The following MAN1A2 variants were observed in gnomAD, a reference collection of about 807,000 sequenced individuals.
The protein encoded by MAN1A2 is mannosyl-oligosaccharide 1,2-alpha-mannosidase IB.
In MAN1A2, 26 loss-of-function variants were observed where a neutral mutation model predicts 75.7. That is an observed-to-expected ratio of 0.34 (90% CI 0.25 to 0.48). MAN1A2 has a LOEUF of 0.48. MAN1A2 is among the 20% of genes least tolerant of loss of function. MAN1A2 has a pLI of 0.99. For synonymous variants in MAN1A2, 247 were observed against 264.6 expected, an observed-to-expected ratio of 0.93 and a Z score of 0.65; for missense variants, 562 against 775.5, an observed-to-expected ratio of 0.72 and a Z score of 3.27.
intron 1 of MAN1A2, among the ~76,000 whole-genome samples, chr1:117,377,685 T>TTG (rs66692703): frequency 0.12 from 18,803 of 152,186 alleles, 1,200 homozygotes; most frequent in Non-Finnish European, 0.14. Flanking sequence ...TTCTTTGTTT[T>TTG]TTTGTGTTCG....
chr1:117,411,438 G>C (rs901033523), intron 3 of MAN1A2, among the ~76,000 whole-genome samples: 3 of 151,700 alleles, frequency 2.0e-5, no homozygotes, highest in African/African-American at 4.8e-5. Context: ...ATGGATCACA[G>C]AGCTAAATAT....
intron 1 of MAN1A2, among the ~76,000 whole-genome samples, chr1:117,397,557 A>T (rs1327133511): frequency 1.3e-5 from 2 of 151,548 alleles, no homozygotes; most frequent in African/African-American, 4.9e-5. Context: ...TCACCATAAC[A>T]CCTTGTCATT....
chr1:117,450,897 G>T (rs1430578084), intron 6 of MAN1A2, among the ~76,000 whole-genome samples: 2 of 152,230 alleles, frequency 1.3e-5, no homozygotes, highest in Non-Finnish European at 2.9e-5. Flanking sequence ...CTCTCATGGA[G>T]AACCTCTGCT....
chr1:117,483,633 T>C (rs1309886512), intron 8 of MAN1A2, among the ~76,000 whole-genome samples: 1 of 152,106 alleles, frequency 6.6e-6, no homozygotes, highest in Non-Finnish European at 1.5e-5. Flanking sequence ...CTTAAGGAGA[T>C]TTTGGGCTGA....
At chr1:117,519,715 A>G (rs1651815910) in intron 12 of MAN1A2, among the ~76,000 whole-genome samples, 1 of 152,088 alleles carries the variant, frequency 6.6e-6, no homozygotes, top group South Asian at 2.1e-4. Context: ...AAAGCCCAGG[A>G]ACAGACGGAT....
At chr1:117,431,488 C>G (rs964915852) in intron 5 of MAN1A2, among the ~76,000 whole-genome samples, 17 of 151,896 alleles carry the variant, frequency 1.1e-4, no homozygotes, top group African/African-American at 4.1e-4. Context: ...GTAGAAGTCC[C>G]GAATGACAGT....
rs766974147 is a variant in MAN1A2, at chr1:117,368,494, ATTTCAGAAG to A, written c.302+12_302+20del. On this transcript the variant is annotated intron_variant, in intron 1 of 12. Transcript: ENST00000356554. ...GATGAACATAGACACAGGTTTGTTT[ATTTCAGAAG>A]TTCTGGTACTAACATTTGGCAGAGC... is the stretch of plus-strand genomic sequence containing the variant. The A allele has an allele frequency of 1.9e-6, 3 of 1,588,294 alleles. No homozygotes were observed. The South Asian group carries it at 3.5e-5, about 18-fold the overall frequency.
intron 12 of MAN1A2, among the ~76,000 whole-genome samples, chr1:117,514,052 C>T (rs183345899): frequency 1.3e-5 from 2 of 152,234 alleles, no homozygotes; most frequent in East Asian, 3.9e-4. Context: ...TAAAATTCTT[C>T]CAACATTTCT....
chr1:117,408,308 A>G (rs1466109946), intron 3 of MAN1A2, among the ~76,000 whole-genome samples: 1 of 149,984 alleles, frequency 6.7e-6, no homozygotes, highest in East Asian at 1.9e-4. Context: ...CTCTTAAAAA[A>G]AAAAAAAAAA....
chr1:117,518,641 C>T (rs79706545), intron 12 of MAN1A2, among the ~76,000 whole-genome samples: 2,373 of 151,994 alleles, frequency 0.016, 65 homozygotes, highest in African/African-American at 0.053. Context: ...ATATCACAGT[C>T]CTAAACATAT....
intron 12 of MAN1A2, among the ~76,000 whole-genome samples, chr1:117,504,050 T>A (rs1651278876): frequency 6.6e-6 from 1 of 151,410 alleles, no homozygotes; most frequent in African/African-American, 2.4e-5. Flanking sequence ...ATCCAGCCCC[T>A]TATTACTGCT....
At chr1:117,497,782 GT>G (rs1651076271) in intron 10 of MAN1A2, among the ~76,000 whole-genome samples, 1 of 151,716 alleles carries the variant, frequency 6.6e-6, no homozygotes, top group African/African-American at 2.4e-5. Flanking sequence ...ACCTTCCAAG[GT>G]TTTCTCTGGC....
intron 1 of MAN1A2, among the ~76,000 whole-genome samples, chr1:117,368,822 G>T (rs1297975134): frequency 6.6e-6 from 1 of 152,124 alleles, no homozygotes; most frequent in Non-Finnish European, 1.5e-5. Flanking sequence ...GGTGACATAA[G>T]CTGTGCCTGC....
chr1:117,524,274 TTAAA>T lies in MAN1A2; in HGVS notation c.*1322_*1325del, dbSNP rs1457989441. On this transcript the variant is annotated 3_prime_UTR_variant, in exon 13 of 13. Transcript: ENST00000356554. ...GTAGGTTTTGCATTGATATTTCTTT[TTAAA>T]TAAACTACTAGTTCTTTATATTTTG... The T allele has an allele frequency of 2.0e-5, 3 of 152,230 alleles. No individual in the cohort carries two copies. The highest frequency in any genetic ancestry group is 7.2e-5 in the African/African-American group (3 of 41,408). 9.4% of individuals were successfully genotyped at this position (152,230 alleles called of 1,614,324 possible). A position where few individuals can be genotyped will look rare whatever the true frequency, so the allele number is the denominator to read the frequency against.
chr1:117,374,061 G>A (rs1316945039), intron 1 of MAN1A2, among the ~76,000 whole-genome samples: 1 of 152,124 alleles, frequency 6.6e-6, no homozygotes, highest in Non-Finnish European at 1.5e-5. Context: ...TGTGGGAGGT[G>A]GAGGTGGGAG....
At chr1:117,459,861 T>C (rs1557959699) in intron 6 of MAN1A2, among the ~76,000 whole-genome samples, 1 of 152,196 alleles carries the variant, frequency 6.6e-6, no homozygotes, top group Non-Finnish European at 1.5e-5. Flanking sequence ...CTATCATCGT[T>C]TGGTGCAAGC....
chr1:117,437,557 G>C (rs913787823), intron 5 of MAN1A2, among the ~76,000 whole-genome samples: 3 of 151,612 alleles, frequency 2.0e-5, no homozygotes, highest in Non-Finnish European at 4.4e-5. Context: ...GTGTGTGTGC[G>C]TGTGTGTGTG....
At chr1:117,503,876 A>G (rs1481295756) in intron 12 of MAN1A2, among the ~76,000 whole-genome samples, 2 of 151,326 alleles carry the variant, frequency 1.3e-5, no homozygotes, top group African/African-American at 2.4e-5. Flanking sequence ...ATCTTATTCT[A>G]ATTTTTCTTT....
At chr1:117,444,704 G>C (rs1432716071) in intron 6 of MAN1A2, among the ~76,000 whole-genome samples, 1 of 151,876 alleles carries the variant, frequency 6.6e-6, no homozygotes, top group African/African-American at 2.4e-5. Flanking sequence ...AGTCTTGCTT[G>C]AGTTCTTTGT....
Sources: gnomAD v4.1 joint callset for allele counts (sites outside exome capture counted in the v4.1 genomes callset) on GRCh38, gnomAD v4.1.1 for gene constraint, MANE v1.5 for transcripts, NCBI Gene and HGNC (gene_info 2026-07-23, HGNC 2026-07-21) for gene names.